Variants in INSYN2A observed in about 807,000 individuals in gnomAD.
The protein encoded by INSYN2A is inhibitory synaptic factor 2A.
In INSYN2A, 17 loss-of-function variants were observed where a neutral mutation model predicts 39.4. The observed-to-expected ratio is 0.43, with a 90% CI of 0.30 to 0.65. The LOEUF is 0.65. Among genes scored for constraint, INSYN2A ranks in the 30% least tolerant of loss-of-function variants. The pLI is 0.14. For synonymous variants in INSYN2A, 255 were observed against 265.7 expected, an observed-to-expected ratio of 0.96 and a Z score of 0.39; for missense variants, 595 against 631.2, an observed-to-expected ratio of 0.94 and a Z score of 0.61.
In INSYN2A at chr10:127,142,071, C is replaced by T. The variant is rs1361577730; in HGVS notation, c.1257-4051G>A. ...ACCACAGTCGCTGTGCTAAGGGGAG[C>T]GTGAGAGTTACTTTGTCCCCTTTTC... On this transcript the variant is annotated intron_variant, in intron 5 of 5. Coordinates refer to ENST00000522781, the MANE Select transcript of INSYN2A (RefSeq NM_001039762.3). Among the ~76,000 whole-genome samples the T allele has an allele frequency of 5.3e-5, 8 of 152,272 alleles. No homozygotes were observed. In the South Asian group the frequency reaches 8.3e-4, roughly 16 times the overall value.
chr10:127,160,373 C>T (rs2053494199), intron 4 of INSYN2A, among the ~76,000 whole-genome samples: 2 of 152,200 alleles, frequency 1.3e-5, no homozygotes, highest in African/African-American at 4.8e-5. Flanking sequence ...GTTCTCTTCT[C>T]ACATTCCTGG....
intron 5 of INSYN2A, among the ~76,000 whole-genome samples, chr10:127,143,552 G>C (rs1397637368): frequency 1.3e-5 from 2 of 152,200 alleles, no homozygotes; most frequent in Non-Finnish European, 2.9e-5. Flanking sequence ...AGGTGCACCA[G>C]GATGTGGGCT....
intron 2 of INSYN2A, among the ~76,000 whole-genome samples, chr10:127,184,316 C>G (rs1237933664): frequency 6.6e-6 from 1 of 150,866 alleles, no homozygotes; most frequent in African/African-American, 2.4e-5. Context: ...AATTCATTCC[C>G]CCCCCAGTCT....
chr10:127,169,282 G>T (rs1476251792), intron 4 of INSYN2A, among the ~76,000 whole-genome samples: 3 of 152,178 alleles, frequency 2.0e-5, no homozygotes, highest in Non-Finnish European at 4.4e-5. Context: ...GAATGCCGAT[G>T]AACTGTGAAC....
In INSYN2A at chr10:127,196,523, G is replaced by C. The variant is rs942479430; in HGVS notation, c.-921C>G. 4.1e-5 allele frequency among the ~76,000 whole-genome samples: 6 copies of C among 147,900 alleles called. No individual in the cohort carries two copies. Among genetic ancestry groups the C allele is most frequent in the African/African-American group, 1.5e-4 (6 of 40,962 alleles). ...TACTCCGCGGAGCCGGGCGGCCAGA[G>C]GCGAGGGCGCCCCAAGCCGCGCGCC... On this transcript the variant is annotated 5_prime_UTR_variant, in exon 1 of 6. Coordinates refer to ENST00000522781, the MANE Select transcript of INSYN2A (RefSeq NM_001039762.3).
At position 127,160,013 on chromosome 10, in the gene INSYN2A, C is replaced by T. The variant is rs868411147; in HGVS notation, c.1185-6090G>A. Among the ~76,000 whole-genome samples the T allele has an allele frequency of 4.6e-5, 7 of 152,048 alleles. No homozygotes were observed. The East Asian group carries it at 7.7e-4, about 17-fold the overall frequency. ...GAAAGATCACTGCAAGCTTTCTTCC[C>T]GGCCACATATCCAAGCTCTGCTTAG... On this transcript the variant is annotated intron_variant, in intron 4 of 5. Transcript: ENST00000522781.
chr10:127,178,626 C>T (rs1266968636), intron 2 of INSYN2A, among the ~76,000 whole-genome samples: 6 of 152,198 alleles, frequency 3.9e-5, no homozygotes, highest in Non-Finnish European at 7.3e-5. Flanking sequence ...CTTGCGTAGA[C>T]AGCAAAGGAA....
At chr10:127,193,689 TCTTC>T (rs1267851191) in intron 1 of INSYN2A, among the ~76,000 whole-genome samples, 1 of 152,194 alleles carries the variant, frequency 6.6e-6, no homozygotes, top group Non-Finnish European at 1.5e-5. Context: ...TGTGTAGGAG[TCTTC>T]CTTGTAGATG....
chr10:127,172,452 T>G (rs918651834), intron 4 of INSYN2A, among the ~76,000 whole-genome samples: 2 of 152,304 alleles, frequency 1.3e-5, no homozygotes, highest in African/African-American at 4.8e-5. Context: ...GGATGGAGAA[T>G]GAGCTTGCAT....
chr10:127,177,457 T>C (rs1199764368), intron 2 of INSYN2A, among the ~76,000 whole-genome samples: 2 of 152,126 alleles, frequency 1.3e-5, no homozygotes, highest in African/African-American at 4.8e-5. Context: ...AGCAAGAAAA[T>C]AGAGTTAAGT....
rs781301926 is a variant in INSYN2A, at chr10:127,153,895, C to T, written c.1213G>A (p.Ala405Thr). Residue 405 changes from alanine to threonine, a missense_variant, in exon 5 of 6, where the codon GCT (alanine) becomes ACT (threonine). This residue lies in a region of INSYN2A where 117 missense variants were observed against 163.8 expected (regional missense o/e 0.71). Coordinates refer to ENST00000522781, the MANE Select transcript of INSYN2A (RefSeq NM_001039762.3). ...GLSYRTGQDT[A>T]NCDTCRNSAC... ...CTGTTCCTGCATGTGTCACAATTAG[C>T]TGTGTCTTGCCCCGTCCGATATGAA... 4 of 1,613,974 alleles carry T rather than the reference C, an allele frequency of 2.5e-6. No homozygotes were observed. The South Asian group carries it at 3.3e-5, about 13-fold the overall frequency.
intron 1 of INSYN2A, among the ~76,000 whole-genome samples, chr10:127,194,954 G>A (rs926343522): frequency 6.6e-6 from 1 of 152,190 alleles, no homozygotes; most frequent in African/African-American, 2.4e-5. Context: ...CAGCTCCCCA[G>A]CACAGACCAA....
chr10:127,175,577 A>G lies in INSYN2A; in HGVS notation c.819T>C (p.Ser273=), dbSNP rs778371072. The change falls in exon 4 of 6, where the codon TCT becomes TCC. Residue 273 remains serine, a synonymous_variant. Transcript: ENST00000522781. This position sits in a 1 kb window ranked among gnomAD's most constrained non-coding sequence, Gnocchi z 6.3. ...ARAPEPGLSD[S]AAASQWSLCP... ...AGAGTGACCACTGGCTGGCGGCTGCAGAGTCTGACAAACCAGGCTCGGGGG... is the reference window on the plus strand; with the variant it reads ...AGAGTGACCACTGGCTGGCGGCTGCGGAGTCTGACAAACCAGGCTCGGGGG... The G allele has an allele frequency of 4.3e-6, 7 of 1,612,052 alleles. No homozygotes were observed. Among genetic ancestry groups the G allele is most frequent in the Middle Eastern group, 1.6e-4 (1 of 6,082 alleles).
chr10:127,166,438 G>A (rs1310559226), intron 4 of INSYN2A, among the ~76,000 whole-genome samples: 1 of 152,164 alleles, frequency 6.6e-6, no homozygotes, highest in African/African-American at 2.4e-5. Flanking sequence ...TGAGTGGGCC[G>A]GTCTGACAGC....
rs1207325945 is a variant in INSYN2A, at chr10:127,175,747, A to C, written c.649T>G (p.Ser217Ala). Residue 217 changes from serine to alanine, a missense_variant, in exon 4 of 6, where the codon TCC becomes GCC. Ser to Ala is a moderately conservative substitution (Grantham distance 99). Transcript: ENST00000522781. This position sits in a 1 kb window ranked among gnomAD's most constrained non-coding sequence, Gnocchi z 6.3. Reference sequence around the variant, plus strand: ...AGCAGCTGGTAATCGGGCTCTTCGGATGGAGGCCGAGTGGAGTTTTGGAGC... The same window carrying C: ...AGCAGCTGGTAATCGGGCTCTTCGGCTGGAGGCCGAGTGGAGTTTTGGAGC... ...AALQNSTRPP[S>A]EEPDYQLLGR... is the part of the protein sequence containing the mutation. 1.2e-6 allele frequency: 2 copies of C among 1,613,932 alleles called. No individual in the cohort carries two copies.
At chr10:127,187,615 A>T (rs11016696) in intron 2 of INSYN2A, among the ~76,000 whole-genome samples, 278 of 152,268 alleles carry the variant, frequency 1.8e-3, no homozygotes, top group Non-Finnish European at 3.0e-3. Context: ...TCCTACAGGA[A>T]GGAGGTAAAC....
At chr10:127,147,486 C>G (rs1229120441) in intron 5 of INSYN2A, among the ~76,000 whole-genome samples, 3 of 152,124 alleles carry the variant, frequency 2.0e-5, no homozygotes, top group Non-Finnish European at 4.4e-5. Context: ...CGTCCTTGCA[C>G]CTGTGGCTCT....
Position 127,175,266 on chromosome 10 carries a change from T to C in INSYN2A, c.1130A>G (p.Lys377Arg). The change falls in exon 4 of 6, where the codon AAA (lysine) becomes AGA (arginine). Residue 377 changes from lysine (K) to arginine (R), a missense_variant. This residue lies in a region of INSYN2A where 117 missense variants were observed against 163.8 expected (regional missense o/e 0.71). Transcript: ENST00000522781. The surrounding 1 kb of genome is among the most constrained non-coding windows in gnomAD (Gnocchi z 6.3). ...NLISSSQETIKVLLGVIQELE... is the reference protein window; with the variant it reads ...NLISSSQETIRVLLGVIQELE... Reference sequence around the variant, plus strand: ...CTCCTGAATGACCCCCAAGAGCACTTTGATGGTTTCTTGGCTTGAACTGAT... The same window carrying C: ...CTCCTGAATGACCCCCAAGAGCACTCTGATGGTTTCTTGGCTTGAACTGAT... The C allele has an allele frequency of 6.2e-7, 1 of 1,614,182 alleles. No homozygotes were observed. The highest frequency in any genetic ancestry group is 2.2e-5 in the East Asian group (1 of 44,876).
chr10:127,163,602 T>C (rs1276644620), intron 4 of INSYN2A, among the ~76,000 whole-genome samples: 3 of 152,150 alleles, frequency 2.0e-5, no homozygotes, highest in Admixed American at 2.0e-4. Context: ...GCCCTTTTGC[T>C]TCTGAAAGGG....
Sources: allele counts gnomAD v4.1 joint callset (sites outside exome capture counted in the v4.1 genomes callset), GRCh38; gene constraint gnomAD v4.1.1; regional missense constraint gnomAD v4.1.1; non-coding constraint Gnocchi (gnomAD v3.1); transcripts MANE v1.5; gene names NCBI Gene and HGNC (gene_info 2026-07-23, HGNC 2026-07-21).